Variants in ATG7 observed in about 807,000 individuals in gnomAD.
The protein encoded by ATG7 is autophagy related 7, also known as ubiquitin-like modifier-activating enzyme ATG7.
Under a neutral mutation model 82.4 loss-of-function variants are expected in ATG7, and 70 were observed. The observed-to-expected ratio is 0.85, with a 90% CI of 0.70 to 1.04. The LOEUF is 1.04. Among genes scored for constraint, ATG7 ranks in the 50% least tolerant of loss-of-function variants. The pLI, the probability that ATG7 is intolerant of heterozygous loss-of-function variation, is 0.00. For synonymous variants in ATG7, 287 were observed against 313.0 expected (o/e 0.92, Z 0.88); for missense variants, 792 against 864.3 (o/e 0.92, Z 1.05).
chr3:11,564,401 T>G, the ATG7 span, among the ~76,000 whole-genome samples: 3 of 64,370 alleles, frequency 4.7e-5, no homozygotes, highest in African/African-American at 1.1e-4. Context: ...AGGAGAAACG[T>G]AGGACCCCCC....
chr3:11,428,621 A>G (rs1463909034), intron 20 of ATG7, among the ~76,000 whole-genome samples: 2 of 152,196 alleles, frequency 1.3e-5, no homozygotes, highest in African/African-American at 4.8e-5. Context: ...TTTCCCCTGA[A>G]TTGTGATTGG....
At chr3:11,355,654 A>C (rs953555141) in intron 14 of ATG7, among the ~76,000 whole-genome samples, 3 of 152,240 alleles carry the variant, frequency 2.0e-5, no homozygotes, top group Non-Finnish European at 4.4e-5. Flanking sequence ...AGTTAAAACC[A>C]GAGAGATATA....
chr3:11,392,490 C>CA (rs1250421199), intron 19 of ATG7, among the ~76,000 whole-genome samples: 3 of 150,874 alleles, frequency 2.0e-5, no homozygotes, highest in Non-Finnish European at 4.4e-5. Flanking sequence ...CAAAACAAAA[C>CA]AAAAAAACAA....
chr3:11,523,090 G>A (rs1392589285), intron 20 of ATG7, among the ~76,000 whole-genome samples: 2 of 152,146 alleles, frequency 1.3e-5, no homozygotes, highest in Non-Finnish European at 2.9e-5. Flanking sequence ...GTGTCCTGTA[G>A]GAAATGCTTC....
intron 20 of ATG7, among the ~76,000 whole-genome samples, chr3:11,518,435 T>A (rs2092344604): frequency 1.3e-5 from 2 of 151,884 alleles, no homozygotes; most frequent in Non-Finnish European, 2.9e-5. Flanking sequence ...TAGTCCCAGC[T>A]ACTTGGGAGG....
chr3:11,527,059 GTGTGTGTGTGTGTATA>G (rs1412517172), intron 20 of ATG7, among the ~76,000 whole-genome samples: 2,241 of 106,598 alleles, frequency 0.021, 59 homozygotes, highest in African/African-American at 0.072. Flanking sequence ...GTGTGTGTGT[GTGTGTGTGTGTGTATA>G]TATATATATA....
intron 20 of ATG7, chr3:11,510,110 G>A (rs894943206): frequency 1.9e-5 from 7 of 375,456 alleles, no homozygotes; most frequent in Non-Finnish European, 3.8e-5. Flanking sequence ...GCCAGCTGGT[G>A]TCTGCAGAAA....
chr3:11,541,375 C>CT (rs1310976656), intron 20 of ATG7, among the ~76,000 whole-genome samples: 1 of 152,188 alleles, frequency 6.6e-6, no homozygotes, highest in Admixed American at 6.5e-5. Flanking sequence ...TGAAAGTCAC[C>CT]TGCCCGTGTT....
chr3:11,488,195 C>G (rs1428798580), intron 20 of ATG7: 3,057 of 148,758 alleles, frequency 0.021, 57 homozygotes, highest in Non-Finnish European at 0.028. Context: ...CCTCACATCC[C>G]AGACGATGGG....
chr3:11,296,462 T>C (rs1345869582), intron 3 of ATG7, among the ~76,000 whole-genome samples: 1 of 152,202 alleles, frequency 6.6e-6, no homozygotes, highest in Non-Finnish European at 1.5e-5. Context: ...CTTTTCACTT[T>C]TACTCCTCTG....
chr3:11,485,471 T>A (rs192890848), intron 20 of ATG7, among the ~76,000 whole-genome samples: 9 of 152,310 alleles, frequency 5.9e-5, no homozygotes, highest in Admixed American at 2.6e-4. Flanking sequence ...GTTGTGAAAA[T>A]TTTCTCCCAT....
At chr3:11,562,345 G>A (rs2073097564), downstream of ATG7, among the ~76,000 whole-genome samples, 1 of 152,100 alleles carries the variant, frequency 6.6e-6, no homozygotes, top group Admixed American at 6.5e-5. Context: ...GCCCCTCTGG[G>A]AACTTTCCTG....
At chr3:11,356,643 A>G (rs1328731086) in intron 14 of ATG7, among the ~76,000 whole-genome samples, 2 of 152,240 alleles carry the variant, frequency 1.3e-5, no homozygotes, top group Admixed American at 1.3e-4. Context: ...TCATGAAAAT[A>G]TATACTTAAT....
At chr3:11,575,295 G>C in the ATG7 span, among the ~76,000 whole-genome samples, 1 of 152,216 alleles carries the variant, frequency 6.6e-6, no homozygotes, top group African/African-American at 2.4e-5. Flanking sequence ...TGTCAGTGTG[G>C]ACTCTGTCTC....
At chr3:11,492,880 G>T (rs1006353607) in intron 20 of ATG7, among the ~76,000 whole-genome samples, 1 of 152,232 alleles carries the variant, frequency 6.6e-6, no homozygotes, top group Non-Finnish European at 1.5e-5. Flanking sequence ...TGTCCAGGTG[G>T]GGGTGCCTGA....
intron 20 of ATG7, among the ~76,000 whole-genome samples, chr3:11,466,700 T>C (rs2086859480): frequency 6.6e-6 from 1 of 152,242 alleles, no homozygotes; most frequent in South Asian, 2.1e-4. Flanking sequence ...TGAAGGATTA[T>C]AGCACCTTTA....
At chr3:11,305,218 A>G (rs138946299) in intron 5 of ATG7, among the ~76,000 whole-genome samples, 307 of 152,284 alleles carry the variant, frequency 2.0e-3, no homozygotes, top group African/African-American at 7.0e-3. Context: ...GCCACCTCCC[A>G]TGGTGGAACT....
In ATG7 at chr3:11,555,000, T is replaced by A; in HGVS notation, c.*157T>A. On this transcript the variant is annotated 3_prime_UTR_variant, in exon 21 of 21. Coordinates refer to ENST00000693202, the MANE Select transcript of ATG7 (RefSeq NM_001349232.2). ...CCCTCTGCTGCCCAGGAGTGGCCAG[T>A]GTTCGGCGTTGCTCGGGATTCAAGA... is the stretch of plus-strand genomic sequence containing the variant. The A allele has an allele frequency of 3.4e-6, 3 of 891,592 alleles. No homozygotes were observed. The highest frequency in any genetic ancestry group is 1.9e-5 in the South Asian group (1 of 53,870). 55.2% of individuals were successfully genotyped at this position (891,592 alleles called of 1,614,324 possible).
chr3:11,503,755 C>CAAAAAAAAAAAA (rs34065629), intron 20 of ATG7, among the ~76,000 whole-genome samples: 3 of 76,966 alleles, frequency 3.9e-5, no homozygotes, highest in East Asian at 3.5e-4. Context: ...GACTCTGTCT[C>CAAAAAAAAAAAA]AAAAAAAAAA....
Sources: gnomAD v4.1 joint callset for allele counts (sites outside exome capture counted in the v4.1 genomes callset) on GRCh38, gnomAD v4.1.1 for gene constraint, MANE v1.5 for transcripts, NCBI Gene and HGNC (gene_info 2026-07-23, HGNC 2026-07-21) for gene names.